CFAP54: variants seen among roughly 807,000 people sequenced by gnomAD.
CFAP54 encodes cilia and flagella associated protein 54, also known as cilia- and flagella-associated protein 54.
In CFAP54, 290 loss-of-function variants were observed where a neutral mutation model predicts 370.4. The observed-to-expected ratio is 0.78, with a 90% CI of 0.71 to 0.86. The LOEUF (loss-of-function observed/expected upper bound fraction) is 0.86. CFAP54 is among the 40% of genes least tolerant of loss of function. The probability of loss-of-function intolerance (pLI) is 0.00; values close to 1 mark genes in which losing one functional copy is unlikely to be tolerated. For synonymous variants in CFAP54, 1,206 were observed against 1,236.5 expected, an observed-to-expected ratio of 0.98 and a Z score of 0.52; for missense variants, 3,399 against 3,528.7, an observed-to-expected ratio of 0.96 and a Z score of 0.93.
At chr12:96,636,317 T>G (rs1163813489) in intron 32 of CFAP54, among the ~76,000 whole-genome samples, 1 of 152,230 alleles carries the variant, frequency 6.6e-6, no homozygotes, top group East Asian at 1.9e-4. Context: ...GTCTGTAATC[T>G]TTTTTGAGTT....
At chr12:96,649,445 T>G (rs1305097842) in intron 34 of CFAP54, among the ~76,000 whole-genome samples, 1 of 152,158 alleles carries the variant, frequency 6.6e-6, no homozygotes, top group Non-Finnish European at 1.5e-5. Flanking sequence ...GGAGAAAGCC[T>G]TCTTTTTTAT....
At chr12:96,843,758 G>A (rs756893491) in intron 66 of CFAP54, among the ~76,000 whole-genome samples, 1 of 152,144 alleles carries the variant, frequency 6.6e-6, no homozygotes, top group Non-Finnish European at 1.5e-5. Flanking sequence ...TACATGTGTC[G>A]AGTTACAGTT....
At chr12:96,615,707 T>C (rs533136484) in intron 26 of CFAP54, among the ~76,000 whole-genome samples, 1 of 152,284 alleles carries the variant, frequency 6.6e-6, no homozygotes, top group South Asian at 2.1e-4. Context: ...AGGAAGGACA[T>C]GAACAGACAC....
At chr12:96,657,127 G>C (rs1565931122) in intron 36 of CFAP54, among the ~76,000 whole-genome samples, 1 of 152,304 alleles carries the variant, frequency 6.6e-6, no homozygotes, top group South Asian at 2.1e-4. Context: ...ATTGGGATGG[G>C]AAGGCTGGAC....
At chr12:96,706,445 G>A (rs1415540837) in intron 47 of CFAP54, among the ~76,000 whole-genome samples, 1 of 152,164 alleles carries the variant, frequency 6.6e-6, no homozygotes, top group South Asian at 2.1e-4. Context: ...AAAGGTAAGT[G>A]AAAAGGCCCT....
intron 12 of CFAP54, among the ~76,000 whole-genome samples, chr12:96,538,003 G>T (rs1439916695): frequency 6.6e-6 from 1 of 151,948 alleles, no homozygotes; most frequent in Non-Finnish European, 1.5e-5. Flanking sequence ...CACGAGAATC[G>T]CTTGAACCTG....
intron 8 of CFAP54, among the ~76,000 whole-genome samples, chr12:96,523,017 T>G (rs1955337831): frequency 6.6e-6 from 1 of 152,220 alleles, no homozygotes; most frequent in South Asian, 2.1e-4. Flanking sequence ...CTTTTTCTTC[T>G]TCTTCTTCCC....
chr12:96,507,798 C>G, intron 4 of CFAP54, among the ~76,000 whole-genome samples: 1 of 152,228 alleles, frequency 6.6e-6, no homozygotes, highest in Admixed American at 6.5e-5. Context: ...TATTTTCTAG[C>G]CTTTTCCTTT....
chr12:96,630,774 T>A (rs1328425361), intron 32 of CFAP54, 123 bp downstream of exon 32: 5 of 461,178 alleles, frequency 1.1e-5, no homozygotes, highest in African/African-American at 4.0e-5. Context: ...TTCAAGGAAC[T>A]TACATACTAA....
intron 65 of CFAP54, among the ~76,000 whole-genome samples, chr12:96,826,625 GTTATATA>G (rs1298694254): frequency 1.9e-5 from 2 of 102,746 alleles, no homozygotes; most frequent in Middle Eastern, 0.014. Context: ...CATGATATAT[GTTATATA>G]TTAAATATAG....
chr12:96,616,217 A>G (rs974836847), intron 26 of CFAP54, among the ~76,000 whole-genome samples: 2 of 152,250 alleles, frequency 1.3e-5, no homozygotes, highest in Non-Finnish European at 1.5e-5. Context: ...TTGTGGGGAC[A>G]TCGATGAAGC....
chr12:96,657,865 C>A lies in CFAP54; in HGVS notation c.5101-17C>A. The A allele has an allele frequency of 7.5e-7, 1 of 1,341,834 alleles. No homozygotes were observed. The highest frequency in any genetic ancestry group is 9.9e-7 in the Non-Finnish European group (1 of 1,008,394). The allele number at this position is 1,341,834 out of a possible 1,614,324, so 83.1% of individuals were successfully genotyped here. A position where few individuals can be genotyped will look rare whatever the true frequency, so the allele number is the denominator to read the frequency against. On this transcript the variant is annotated splice_polypyrimidine_tract_variant and intron_variant, in intron 36 of 67. Transcript: ENST00000524981. ...ATCTGAAATTACACATTTTTTTTTTCACTGTGCTACTTGCAGCCTATTGAA... is the reference window on the plus strand; with the variant it reads ...ATCTGAAATTACACATTTTTTTTTTAACTGTGCTACTTGCAGCCTATTGAA...
intron 32 of CFAP54, among the ~76,000 whole-genome samples, chr12:96,637,809 G>A (rs928063141): frequency 6.6e-6 from 1 of 152,142 alleles, no homozygotes; most frequent in Non-Finnish European, 1.5e-5. Flanking sequence ...GATCAATGAT[G>A]GACTGCATGT....
chr12:96,682,184 A>G (rs1957280872), intron 40 of CFAP54: 1 of 985,630 alleles, frequency 1.0e-6, no homozygotes, highest in Non-Finnish European at 1.2e-6. Context: ...ACTTCTGGAA[A>G]GGTGGAATTT....
At chr12:96,780,828 A>G (rs1180264167) in intron 60 of CFAP54, among the ~76,000 whole-genome samples, 2 of 152,230 alleles carry the variant, frequency 1.3e-5, no homozygotes, top group East Asian at 1.9e-4. Context: ...TCTCACCAGC[A>G]ATAGTAGATG....
At position 96,807,166 on chromosome 12, in the gene CFAP54, A is replaced by G. The variant is rs559994244; in HGVS notation, c.8851-4570A>G. ...AGAACTGAAAAGAAACTAAGAGAAC[A>G]TCTATTCAATGCTCACATATTATAG... On this transcript the variant is annotated intron_variant, in intron 63 of 67. Coordinates refer to ENST00000524981, the MANE Select transcript of CFAP54 (RefSeq NM_001306084.2). Among the ~76,000 whole-genome samples the G allele has an allele frequency of 3.3e-5, 5 of 152,294 alleles. No homozygotes were observed. The East Asian group carries it at 7.7e-4, about 24-fold the overall frequency.
chr12:96,669,504 A>C (rs1193937676), intron 39 of CFAP54, among the ~76,000 whole-genome samples: 8 of 152,170 alleles, frequency 5.3e-5, no homozygotes, highest in Admixed American at 5.2e-4. Flanking sequence ...GGTGGTCAGC[A>C]TAGAGGAGGG....
rs1187881951 is a variant in CFAP54, at chr12:96,594,328, CA to C, written c.3399del (p.Leu1134TrpfsTer7). 2.0e-6 allele frequency: 3 copies of C among 1,534,616 alleles called. No individual in the cohort carries two copies. The highest frequency in any genetic ancestry group is 2.6e-6 in the Non-Finnish European group (3 of 1,145,962). On this transcript the variant is annotated frameshift_variant, in exon 25 of 68. Transcript: ENST00000524981. LOFTEE classifies it high-confidence loss of function. ...RLIECERVLV[A>X]LELSNFLNDS... Reference sequence around the variant, plus strand: ...ATTGAATGTGAGAGAGTATTAGTGGCATTGGAACTTAGCAACTTCCTAAATG... The same window carrying C: ...ATTGAATGTGAGAGAGTATTAGTGGCTTGGAACTTAGCAACTTCCTAAATG...
intron 65 of CFAP54, among the ~76,000 whole-genome samples, chr12:96,826,734 AAT>A (rs1237191720): frequency 5.3e-5 from 6 of 112,426 alleles, no homozygotes; most frequent in African/African-American, 2.2e-4. Context: ...TATATTATAT[AAT>A]ATATAATTCT....
Sources: allele counts gnomAD v4.1 joint callset (sites outside exome capture counted in the v4.1 genomes callset), GRCh38; gene constraint gnomAD v4.1.1; transcripts MANE v1.5; gene names NCBI Gene and HGNC (gene_info 2026-07-23, HGNC 2026-07-21).